The following ADCY2 variants were observed in gnomAD, a reference collection of about 807,000 sequenced individuals.
ADCY2 encodes adenylate cyclase type 2.
A neutral mutation model predicts 125.2 loss-of-function variants in ADCY2; 31 were observed. The observed-to-expected ratio is 0.25, with a 90% CI of 0.19 to 0.33. ADCY2 has a LOEUF of 0.33. Among genes scored for constraint, ADCY2 ranks in the 10% least tolerant of loss-of-function variants. The pLI, the probability that ADCY2 is intolerant of heterozygous loss-of-function variation, is 1.00. For synonymous variants in ADCY2, 512 were observed against 548.4 expected, an observed-to-expected ratio of 0.93 and a Z score of 0.93; for missense variants, 904 against 1,418.2, an observed-to-expected ratio of 0.64 and a Z score of 5.82.
intron 3 of ADCY2, among the ~76,000 whole-genome samples, chr5:7,570,202 A>G (rs1409488418): frequency 7.2e-5 from 11 of 152,072 alleles, no homozygotes; most frequent in Admixed American, 7.2e-4. Context: ...ACAGTCACAT[A>G]TTTCTAGGGG....
chr5:7,805,664 C>T (rs111471809), intron 22 of ADCY2, among the ~76,000 whole-genome samples: 17 of 152,010 alleles, frequency 1.1e-4, no homozygotes, highest in African/African-American at 3.4e-4. Context: ...GGGTTGAGTA[C>T]CATGTATGAG....
intron 3 of ADCY2, among the ~76,000 whole-genome samples, chr5:7,603,361 A>G (rs539547084): frequency 6.6e-6 from 1 of 152,322 alleles, no homozygotes; most frequent in East Asian, 1.9e-4. Flanking sequence ...TCTGCCACCC[A>G]GGTTGTGCTG....
At chr5:7,628,215 A>G (rs182269112) in intron 4 of ADCY2, among the ~76,000 whole-genome samples, 1 of 152,312 alleles carries the variant, frequency 6.6e-6, no homozygotes, top group African/African-American at 2.4e-5. Context: ...CAAGCAGTAC[A>G]GACTGGAGCA....
intron 2 of ADCY2, among the ~76,000 whole-genome samples, chr5:7,488,644 A>T (rs1320907160): frequency 6.6e-6 from 1 of 152,040 alleles, no homozygotes; most frequent in African/African-American, 2.4e-5. Context: ...CAATGGAGAG[A>T]GTGTGACAGA....
intron 7 of ADCY2, among the ~76,000 whole-genome samples, chr5:7,705,447 G>A (rs72710499): frequency 0.33 from 50,714 of 152,212 alleles, 10,075 homozygotes; most frequent in Non-Finnish European, 0.45. Context: ...TTTCTGAGTG[G>A]GGCTGTGCCT....
chr5:7,780,969 C>T (rs762984743), intron 18 of ADCY2, among the ~76,000 whole-genome samples: 13 of 152,172 alleles, frequency 8.5e-5, no homozygotes, highest in Admixed American at 3.9e-4. Context: ...CTGTGCGGCA[C>T]GGGAGCATCT....
chr5:7,713,651 C>T lies in ADCY2; in HGVS notation c.1622+752C>T, dbSNP rs113491719. Among the ~76,000 whole-genome samples, 652 of 152,266 alleles carry T rather than the reference C, an allele frequency of 4.3e-3. 9 individuals are homozygous for T. Among genetic ancestry groups the T allele is most frequent in the African/African-American group, 0.015 (608 of 41,554 alleles). ...CCACAAATGTCTCCACACGCCCTGTCGCAGCCACCGTAAAATCCCAGGCAC... is the reference window on the plus strand; with the variant it reads ...CCACAAATGTCTCCACACGCCCTGTTGCAGCCACCGTAAAATCCCAGGCAC... On this transcript the variant is annotated intron_variant, in intron 11 of 24. Coordinates refer to ENST00000338316, the MANE Select transcript of ADCY2 (RefSeq NM_020546.3).
At chr5:7,792,111 G>T (rs931731829) in intron 20 of ADCY2, among the ~76,000 whole-genome samples, 2 of 150,750 alleles carry the variant, frequency 1.3e-5, no homozygotes, top group African/African-American at 4.9e-5. Flanking sequence ...GGTGGCTCAC[G>T]CCTGTAATCT....
At chr5:7,558,869 A>T (rs1735620937) in intron 3 of ADCY2, among the ~76,000 whole-genome samples, 1 of 152,098 alleles carries the variant, frequency 6.6e-6, no homozygotes, top group African/African-American at 2.4e-5. Context: ...GTGTGGTGTA[A>T]TGAAGGGGTC....
At chr5:7,417,231 A>G (rs559598791) in intron 2 of ADCY2, among the ~76,000 whole-genome samples, 3 of 152,164 alleles carry the variant, frequency 2.0e-5, no homozygotes, top group African/African-American at 7.2e-5. Context: ...ACTCAATCTT[A>G]GGTACCTAAA....
At chr5:7,754,038 C>G (rs942401121) in intron 15 of ADCY2, among the ~76,000 whole-genome samples, 4 of 152,074 alleles carry the variant, frequency 2.6e-5, no homozygotes, top group African/African-American at 9.7e-5. Flanking sequence ...AATAATTGAA[C>G]CAAGCGCATC....
chr5:7,755,366 C>T (rs887015649), intron 15 of ADCY2, among the ~76,000 whole-genome samples: 44 of 150,588 alleles, frequency 2.9e-4, no homozygotes, highest in African/African-American at 1.1e-3. Flanking sequence ...GCGCTGTACA[C>T]AAACATTGTT....
At chr5:7,561,958 T>C (rs1205438081) in intron 3 of ADCY2, among the ~76,000 whole-genome samples, 1 of 152,204 alleles carries the variant, frequency 6.6e-6, no homozygotes. Flanking sequence ...ACATTTAGCA[T>C]TGTATTTGCA....
intron 4 of ADCY2, among the ~76,000 whole-genome samples, chr5:7,647,288 A>G (rs986961480): frequency 6.6e-6 from 1 of 152,176 alleles, no homozygotes; most frequent in African/African-American, 2.4e-5. Flanking sequence ...AAGTAATGAT[A>G]ATATCTGCCC....
intron 16 of ADCY2, among the ~76,000 whole-genome samples, chr5:7,758,387 G>A (rs1743085944): frequency 1.3e-5 from 2 of 152,202 alleles, no homozygotes; most frequent in South Asian, 4.1e-4. Context: ...AGCTGTAGGA[G>A]ATCTGATGCT....
intron 24 of ADCY2, among the ~76,000 whole-genome samples, chr5:7,821,517 TC>T (rs1745299775): frequency 1.3e-5 from 2 of 152,102 alleles, no homozygotes; most frequent in Admixed American, 1.3e-4. Flanking sequence ...CTTCAATAAT[TC>T]CGCACCCACG....
intron 14 of ADCY2, among the ~76,000 whole-genome samples, chr5:7,729,869 A>G (rs923147460): frequency 6.7e-6 from 1 of 149,548 alleles, no homozygotes; most frequent in African/African-American, 2.4e-5. Flanking sequence ...TTATATATTT[A>G]CATGTTTTTA....
chr5:7,592,883 G>A (rs999154943), intron 3 of ADCY2, among the ~76,000 whole-genome samples: 7 of 152,136 alleles, frequency 4.6e-5, no homozygotes, highest in Admixed American at 6.5e-5. Flanking sequence ...AAATAGTAAT[G>A]AAGGATGACT....
intron 2 of ADCY2, among the ~76,000 whole-genome samples, chr5:7,426,457 T>C (rs990998465): frequency 3.9e-5 from 6 of 152,212 alleles, no homozygotes; most frequent in Non-Finnish European, 8.8e-5. Flanking sequence ...TGTCCTCACA[T>C]GTCAGAAGAG....
Sources: gnomAD v4.1 joint callset for allele counts (sites outside exome capture counted in the v4.1 genomes callset) on GRCh38, gnomAD v4.1.1 for gene constraint, MANE v1.5 for transcripts, NCBI Gene and HGNC (gene_info 2026-07-23, HGNC 2026-07-21) for gene names.